GDAP1L1: variants seen among roughly 807,000 people sequenced by gnomAD.
GDAP1L1 encodes ganglioside-induced differentiation-associated protein 1-like 1.
In GDAP1L1, 21 loss-of-function variants were observed where a neutral mutation model predicts 37.1. The ratio of observed to expected loss-of-function variants is 0.57; its 90% CI spans 0.40 to 0.81. The LOEUF (loss-of-function observed/expected upper bound fraction) is 0.81. Ranked by LOEUF, GDAP1L1 falls within the 40% of genes least tolerant of loss-of-function variation. The probability of loss-of-function intolerance (pLI) is 0.00; values close to 1 mark genes in which losing one functional copy is unlikely to be tolerated. For missense variants in GDAP1L1, 362 were observed against 491.6 expected, an observed-to-expected ratio of 0.74 and a Z score of 2.49; for synonymous variants, 193 against 209.1, an observed-to-expected ratio of 0.92 and a Z score of 0.67.
intron 3 of GDAP1L1, among the ~76,000 whole-genome samples, chr20:44,261,428 A>G (rs534918309): frequency 6.6e-6 from 1 of 152,250 alleles, no homozygotes; most frequent in South Asian, 2.1e-4. Context: ...AGGTGGTGAA[A>G]TCTCAGATGA....
chr20:44,249,928 T>C (rs1182656910), intron 1 of GDAP1L1, among the ~76,000 whole-genome samples: 1 of 152,172 alleles, frequency 6.6e-6, no homozygotes, highest in African/African-American at 2.4e-5. Context: ...TGTCCCTATC[T>C]GGAAAAGAGG....
chr20:44,248,768 T>C (rs2073383763), intron 1 of GDAP1L1, among the ~76,000 whole-genome samples: 1 of 152,190 alleles, frequency 6.6e-6, no homozygotes, highest in South Asian at 2.1e-4. Flanking sequence ...GGGTCTGGAA[T>C]GGGGTCCAAG....
intron 1 of GDAP1L1, 143 bp downstream of exon 1, chr20:44,247,657 G>T: frequency 1.3e-6 from 1 of 769,032 alleles, no homozygotes; most frequent in Non-Finnish European, 2.0e-6. Flanking sequence ...GGGACGCAAG[G>T]GTTCCTTCCA....
chr20:44,253,395 C>T (rs1400201001), intron 1 of GDAP1L1, among the ~76,000 whole-genome samples: 1 of 152,118 alleles, frequency 6.6e-6, no homozygotes, highest in Non-Finnish European at 1.5e-5. Context: ...AAAAATAAGG[C>T]CTACTAATTT....
intron 1 of GDAP1L1, among the ~76,000 whole-genome samples, chr20:44,252,875 C>T (rs982373357): frequency 1.3e-5 from 2 of 151,996 alleles, no homozygotes; most frequent in Non-Finnish European, 2.9e-5. Context: ...CTACCCTCCT[C>T]GTCTATTCCT....
chr20:44,249,727 C>A (rs571978278), intron 1 of GDAP1L1, among the ~76,000 whole-genome samples: 1 of 152,360 alleles, frequency 6.6e-6, no homozygotes. Flanking sequence ...CCAAGCTAAC[C>A]TGGGCATCCT....
intron 5 of GDAP1L1, 81 bp downstream of exon 5, chr20:44,264,640 C>A: frequency 6.5e-7 from 1 of 1,539,028 alleles, no homozygotes; most frequent in Non-Finnish European, 8.8e-7. Flanking sequence ...CCTCTTTTTT[C>A]CGCAAAAGTC....
intron 5 of GDAP1L1, among the ~76,000 whole-genome samples, chr20:44,272,223 C>T (rs1056144918): frequency 6.6e-6 from 1 of 152,154 alleles, no homozygotes; most frequent in Admixed American, 6.5e-5. Context: ...TGGCATGGAG[C>T]AGGTGCAGAG....
At chr20:44,248,162 T>G (rs1366603389) in intron 1 of GDAP1L1, among the ~76,000 whole-genome samples, 2 of 152,134 alleles carry the variant, frequency 1.3e-5, no homozygotes, top group Non-Finnish European at 2.9e-5. Flanking sequence ...AGGCACAGAG[T>G]GGCCCCAGCC....
chr20:44,275,082 G>A (rs1040468947), intron 5 of GDAP1L1, among the ~76,000 whole-genome samples: 1 of 152,012 alleles, frequency 6.6e-6, no homozygotes, highest in African/African-American at 2.4e-5. Flanking sequence ...TCTGTAGAGA[G>A]GAGGGTCTCG....
At chr20:44,277,398 G>A (rs1206916789) in intron 5 of GDAP1L1, among the ~76,000 whole-genome samples, 2 of 152,240 alleles carry the variant, frequency 1.3e-5, no homozygotes, top group Non-Finnish European at 2.9e-5. Flanking sequence ...AACAGCGAGG[G>A]CAAAGGCCCT....
rs1157449096 is a variant in GDAP1L1 at position 44,280,642 on chromosome 20, C to CA, written c.*1344dup. On this transcript the variant is annotated 3_prime_UTR_variant, in exon 6 of 6. Transcript: ENST00000342560. The stretch of plus-strand genomic sequence containing the variant: ...AACCCTTTGTTCTCATTAACCTGTG[C>CA]AAGGGCCAGGTGTAGTGACTCATAT... 6.6e-6 allele frequency: 1 copy of CA among 152,246 alleles called. No individual in the cohort carries two copies. Among genetic ancestry groups the CA allele is most frequent in the African/African-American group, 2.4e-5 (1 of 41,442 alleles). The allele number at this position is 152,246 out of a possible 1,614,324, so 9.4% of individuals were successfully genotyped here.
intron 5 of GDAP1L1, among the ~76,000 whole-genome samples, chr20:44,273,296 C>G (rs1280096014): frequency 3.3e-5 from 5 of 152,216 alleles, no homozygotes; most frequent in Non-Finnish European, 4.4e-5. Flanking sequence ...CGCCTCCTAT[C>G]TCTTGGGCTG....
chr20:44,265,819 C>T (rs1298233721), intron 5 of GDAP1L1, among the ~76,000 whole-genome samples: 1 of 152,066 alleles, frequency 6.6e-6, no homozygotes, highest in Non-Finnish European at 1.5e-5. Flanking sequence ...TCATAGATGT[C>T]ATGGTTAGGG....
Position 44,280,549 on chromosome 20 carries a change from G to A in GDAP1L1, c.*1249G>A, listed in dbSNP as rs971326355. ...GCTGGCTTCCAGACTGACTTTCCAG[G>A]GCTCTGACCTTAACATCAACCCAGC... is the stretch of plus-strand genomic sequence containing the variant. On this transcript the variant is annotated 3_prime_UTR_variant, in exon 6 of 6. Transcript: ENST00000342560. 3 of 152,476 alleles carry A rather than the reference G, an allele frequency of 2.0e-5. No individual in the cohort carries two copies. The highest frequency in any genetic ancestry group is 7.2e-5 in the African/African-American group (3 of 41,452). 9.4% of individuals were successfully genotyped at this position (152,476 alleles called of 1,614,324 possible).
intron 2 of GDAP1L1, 85 bp downstream of exon 2, chr20:44,257,430 T>A (rs958993482): frequency 2.1e-5 from 28 of 1,326,142 alleles, no homozygotes; most frequent in Non-Finnish European, 2.7e-5. Flanking sequence ...TCCCAGAACT[T>A]TGGGAAGTCT....
intron 5 of GDAP1L1, among the ~76,000 whole-genome samples, chr20:44,270,977 C>T (rs2062509363): frequency 6.6e-6 from 1 of 152,138 alleles, no homozygotes; most frequent in Non-Finnish European, 1.5e-5. Context: ...ACTGTCGCAG[C>T]TGAACCAGGC....
At position 44,279,272 on chromosome 20, in the gene GDAP1L1, A is replaced by G. The variant is rs760435267; in HGVS notation, c.1076A>G (p.Tyr359Cys). The G allele has an allele frequency of 1.4e-5, 22 of 1,612,830 alleles. No homozygotes were observed. The highest frequency in any genetic ancestry group is 1.9e-5 in the Non-Finnish European group (22 of 1,179,264). Residue 359 changes from tyrosine (Y) to cysteine (C), a missense_variant, in exon 6 of 6, where the codon TAC (tyrosine) becomes TGC (cysteine). Physicochemically the swap from Tyr to Cys is radical, Grantham distance 194. This residue lies in a region of GDAP1L1 where 85 missense variants were observed against 154.4 expected (regional missense o/e 0.55). Coordinates refer to ENST00000342560, the MANE Select transcript of GDAP1L1 (RefSeq NM_024034.6). ...GSLGGMGYFA[Y>C]WYLKKKYI The stretch of plus-strand genomic sequence containing the variant: ...CTGGGTGGGATGGGCTACTTTGCCT[A>G]CTGGTACCTCAAGAAAAAATACATC...
Position 44,247,424 on chromosome 20 carries a change from C to T in GDAP1L1, c.90C>T (p.Ala30=). 1 of 1,610,564 alleles carries T rather than the reference C, an allele frequency of 6.2e-7. No homozygotes were observed. Among genetic ancestry groups the T allele is most frequent in the African/African-American group, 1.3e-5 (1 of 74,974 alleles). The part of the protein sequence containing the change: ...LESDAAKPAE[A]PDAPEAASPA... ...GCGATGCGGCCAAGCCAGCGGAGGC[C>T]CCCGACGCTCCCGAGGCGGCCAGCC... Residue 30 remains alanine, a synonymous_variant, in exon 1 of 6, where the codon GCC becomes GCT. Coordinates refer to ENST00000342560, the MANE Select transcript of GDAP1L1 (RefSeq NM_024034.6).
Sources: gnomAD v4.1 joint callset for allele counts (sites outside exome capture counted in the v4.1 genomes callset) on GRCh38, gnomAD v4.1.1 for gene constraint, gnomAD v4.1.1 regional missense constraint, MANE v1.5 for transcripts, NCBI Gene and HGNC (gene_info 2026-07-23, HGNC 2026-07-21) for gene names.